The following UTRN variants were observed in gnomAD, a reference collection of about 807,000 sequenced individuals.
The protein encoded by UTRN is utrophin.
A neutral mutation model predicts 463.9 loss-of-function variants in UTRN; 283 were observed. The ratio of observed to expected loss-of-function variants is 0.61; its 90% CI spans 0.55 to 0.67. UTRN has a LOEUF of 0.67. Among genes scored for constraint, UTRN ranks in the 30% least tolerant of loss-of-function variants. The pLI is 0.00. For synonymous variants in UTRN, 1,442 were observed against 1,431.5 expected (o/e 1.01, Z -0.17); for missense variants, 3,922 against 4,084.3 (o/e 0.96, Z 1.08).
chr6:144,554,218 A>C (rs1471860094), intron 48 of UTRN, among the ~76,000 whole-genome samples: 9 of 152,168 alleles, frequency 5.9e-5, no homozygotes, highest in Non-Finnish European at 1.3e-4. Context: ...GCAAAAAAAA[A>C]TTCTTACACA....
chr6:144,757,637 G>C (rs1792155817), intron 57 of UTRN, among the ~76,000 whole-genome samples: 1 of 151,938 alleles, frequency 6.6e-6, no homozygotes, highest in South Asian at 2.1e-4. Context: ...ATGGCACTAA[G>C]GTTTAAACTG....
chr6:144,558,950 A>G (rs12214126), intron 50 of UTRN, among the ~76,000 whole-genome samples: 2 of 151,914 alleles, frequency 1.3e-5, no homozygotes, highest in Admixed American at 1.3e-4. Context: ...TAGCTAACAT[A>G]AAAAAAAGAG....
intron 42 of UTRN, among the ~76,000 whole-genome samples, chr6:144,531,785 A>G (rs767456164): frequency 1.6e-4 from 25 of 152,194 alleles, no homozygotes; most frequent in Non-Finnish European, 3.5e-4. Context: ...AGTTTTTTAA[A>G]TGTATTTTAT....
At chr6:144,435,756 C>T (rs1786475832) in intron 9 of UTRN, among the ~76,000 whole-genome samples, 179 bp from the exon 10 acceptor site, 1 of 152,222 alleles carries the variant, frequency 6.6e-6, no homozygotes, top group African/African-American at 2.4e-5. Context: ...CTTTGCTACC[C>T]TAGTGCACTT....
chr6:144,401,531 G>C (rs529784752), intron 2 of UTRN, among the ~76,000 whole-genome samples: 19 of 152,156 alleles, frequency 1.2e-4, no homozygotes, highest in African/African-American at 3.9e-4. Context: ...TGTCTTTGCT[G>C]TCCTTTCTTG....
At chr6:144,446,040 ATAATAG>A (rs1330718117) in intron 14 of UTRN, among the ~76,000 whole-genome samples, 9 of 152,294 alleles carry the variant, frequency 5.9e-5, no homozygotes, top group African/African-American at 2.2e-4. Flanking sequence ...AAAAATAAAA[ATAATAG>A]TAATAGTAAT....
At chr6:144,702,859 G>A (rs990512948) in intron 53 of UTRN, among the ~76,000 whole-genome samples, 5 of 152,106 alleles carry the variant, frequency 3.3e-5, no homozygotes, top group East Asian at 1.9e-4. Context: ...CTGGGGTGGC[G>A]GGTGGGAGAA....
intron 53 of UTRN, among the ~76,000 whole-genome samples, chr6:144,706,293 GTCTT>G (rs1562794710): frequency 6.6e-6 from 1 of 150,512 alleles, no homozygotes; most frequent in African/African-American, 2.5e-5. Context: ...ATCAGGAAAA[GTCTT>G]TATTTAGTGT....
In UTRN at chr6:144,438,891, A is replaced by G. The variant is rs1455065164; in HGVS notation, c.1388A>G (p.His463Arg). 6.2e-7 allele frequency: 1 copy of G among 1,614,146 alleles called. No homozygotes were observed. Among genetic ancestry groups the G allele is most frequent in the Non-Finnish European group, 8.5e-7 (1 of 1,180,004 alleles). ...TCTCTACAAAAGCTGCTAGAAGAAC[A>G]TAAAGTAAATCTGTCTCATATTTCT... ...VKSLQKLLEE[H>R]KSLQSDLEAE... Residue 463 changes from histidine (H) to arginine (R), a missense_variant, in exon 12 of 75, where the codon CAT (histidine) becomes CGT (arginine). By Grantham distance (29) the His-to-Arg change is conservative. Coordinates refer to ENST00000367545, the MANE Select transcript of UTRN (RefSeq NM_007124.3).
At chr6:144,498,740 A>G (rs1793900280) in intron 33 of UTRN, among the ~76,000 whole-genome samples, 1 of 151,432 alleles carries the variant, frequency 6.6e-6, no homozygotes, top group East Asian at 1.9e-4. Flanking sequence ...CTGCAGCCCC[A>G]GCCTCCAGGG....
At chr6:144,381,230 G>A (rs188209766) in intron 2 of UTRN, among the ~76,000 whole-genome samples, 20 of 152,144 alleles carry the variant, frequency 1.3e-4, no homozygotes, top group Admixed American at 3.3e-4. Flanking sequence ...ATATCCATGT[G>A]TTGTCATCAT....
intron 2 of UTRN, among the ~76,000 whole-genome samples, chr6:144,331,326 C>T (rs1006891951): frequency 6.6e-6 from 1 of 152,106 alleles, no homozygotes; most frequent in African/African-American, 2.4e-5. Context: ...AGCCTCAGAG[C>T]CTGGCACAGA....
intron 66 of UTRN, among the ~76,000 whole-genome samples, chr6:144,824,566 T>TTTTA (rs1166101741): frequency 2.9e-5 from 2 of 68,140 alleles, no homozygotes; most frequent in Non-Finnish European, 5.5e-5. Flanking sequence ...TAATATAGCA[T>TTTTA]TTTATTTATA....
chr6:144,584,221 A>G (rs1802246877), intron 51 of UTRN, among the ~76,000 whole-genome samples: 1 of 152,210 alleles, frequency 6.6e-6, no homozygotes, highest in Non-Finnish European at 1.5e-5. Flanking sequence ...AATTTCTAAT[A>G]CTACGTCATC....
intron 19 of UTRN, among the ~76,000 whole-genome samples, chr6:144,455,544 T>C (rs909492952): frequency 1.3e-5 from 2 of 152,248 alleles, no homozygotes; most frequent in Non-Finnish European, 2.9e-5. Flanking sequence ...ATCTGTGTAC[T>C]GAATTTACTC....
chr6:144,606,886 G>C (rs1248000049), intron 51 of UTRN, among the ~76,000 whole-genome samples: 3 of 152,188 alleles, frequency 2.0e-5, no homozygotes, highest in Non-Finnish European at 4.4e-5. Flanking sequence ...TCCTCGCTCA[G>C]AGAGAGATCT....
intron 2 of UTRN, among the ~76,000 whole-genome samples, chr6:144,358,086 T>C (rs1464410475): frequency 6.6e-6 from 1 of 152,234 alleles, no homozygotes; most frequent in Non-Finnish European, 1.5e-5. Flanking sequence ...TGCTGAAAAA[T>C]GTGGACAATA....
At chr6:144,647,675 C>T (rs960804649) in intron 51 of UTRN, among the ~76,000 whole-genome samples, 4 of 152,188 alleles carry the variant, frequency 2.6e-5, no homozygotes, top group Admixed American at 6.5e-5. Context: ...GCAGTAAATG[C>T]GGGAATGTCT....
intron 2 of UTRN, among the ~76,000 whole-genome samples, chr6:144,363,140 T>C (rs1779221347): frequency 6.6e-6 from 1 of 152,230 alleles, no homozygotes. Context: ...CAATAGTATT[T>C]AAATCTAAAA....
Sources: allele counts gnomAD v4.1 joint callset (sites outside exome capture counted in the v4.1 genomes callset), GRCh38; gene constraint gnomAD v4.1.1; transcripts MANE v1.5; gene names NCBI Gene and HGNC (gene_info 2026-07-23, HGNC 2026-07-21).